MRTFA: variants seen among roughly 807,000 people sequenced by gnomAD.
MRTFA encodes the protein myocardin-related transcription factor A.
Under a neutral mutation model 83.5 loss-of-function variants are expected in MRTFA, and 20 were observed. That is an observed-to-expected ratio of 0.24 (90% CI 0.17 to 0.35). The LOEUF (loss-of-function observed/expected upper bound fraction) is 0.35. Among genes scored for constraint, MRTFA ranks in the 10% least tolerant of loss-of-function variants. MRTFA has a pLI of 1.00. For synonymous variants in MRTFA, 659 were observed against 541.2 expected, an observed-to-expected ratio of 1.22 and a Z score of -3.02; for missense variants, 1,200 against 1,224.7, an observed-to-expected ratio of 0.98 and a Z score of 0.30.
In MRTFA at chr22:40,420,429, C is replaced by G. The variant is rs777375195; in HGVS notation, c.1329G>C (p.Leu443=). The G allele has an allele frequency of 1.1e-5, 18 of 1,613,606 alleles. No individual in the cohort carries two copies. The South Asian group carries it at 2.0e-4, about 18-fold the overall frequency. Residue 443 remains leucine (L), a synonymous_variant, in exon 11 of 15, where the codon CTG becomes CTC. Transcript: ENST00000355630. ...CCTTCATGTCGTCCAGGTTGGCCGG[C>G]AGGGCTCCCGGCTTGCCAGTCAGTG...
rs75154387 is a variant in MRTFA, at chr22:40,605,545, G to A, written c.-83-10810C>T. On this transcript the variant is annotated intron_variant, in intron 1 of 14. Coordinates refer to ENST00000355630, the MANE Select transcript of MRTFA (RefSeq NM_020831.6). ...TTCTAAGCACAATGGAAAAACCACC[G>A]CAGGTAAGAGTTTTGAGCAGAGAAG... Among the ~76,000 whole-genome samples, 152 of 152,316 alleles carry A rather than the reference G, an allele frequency of 1.0e-3. 1 individual carries two copies. In the Middle Eastern group the frequency reaches 0.02, roughly 20 times the overall value.
chr22:40,460,002 G>C (rs1336792019), intron 4 of MRTFA, among the ~76,000 whole-genome samples: 1 of 151,594 alleles, frequency 6.6e-6, no homozygotes, highest in Non-Finnish European at 1.5e-5. Flanking sequence ...GAGTGCGGTG[G>C]TGCAAACTCG....
chr22:40,468,521 T>C (rs1322298511), intron 3 of MRTFA, among the ~76,000 whole-genome samples: 1 of 152,214 alleles, frequency 6.6e-6, no homozygotes, highest in East Asian at 1.9e-4. Flanking sequence ...TCTCAGACTG[T>C]AGGGACATTT....
At chr22:40,464,245 G>T (rs1486031491) in intron 3 of MRTFA, among the ~76,000 whole-genome samples, 1 of 128,906 alleles carries the variant, frequency 7.8e-6, no homozygotes, top group African/African-American at 2.9e-5. Context: ...AGGTTGCAGT[G>T]AGCCGAGATC....
chr22:40,473,028 AAG>A (rs1198059137), intron 3 of MRTFA, among the ~76,000 whole-genome samples: 1 of 152,198 alleles, frequency 6.6e-6, no homozygotes, highest in East Asian at 1.9e-4. Context: ...CAACCCAATA[AAG>A]AGATAAAATC....
In MRTFA at chr22:40,411,141, C is replaced by T; in HGVS notation, c.*249G>A. On this transcript the variant is annotated 3_prime_UTR_variant, in exon 15 of 15. Coordinates refer to ENST00000355630, the MANE Select transcript of MRTFA (RefSeq NM_020831.6). ...GAGGTCAAGCTGAAATGGCCCTGAC[C>T]CTGACCGTGTGTCCAAAACCCCAGC... is the stretch of plus-strand genomic sequence containing the variant. The T allele has an allele frequency of 2.5e-6, 1 of 397,670 alleles. No homozygotes were observed. Among genetic ancestry groups the T allele is most frequent in the Non-Finnish European group, 4.5e-6 (1 of 223,784 alleles). 24.6% of individuals were successfully genotyped at this position (397,670 alleles called of 1,614,324 possible).
rs1440363065 is a variant in MRTFA at position 40,420,949 on chromosome 22, G to A, written c.1079C>T (p.Ala360Val). 10 of 1,613,996 alleles carry A rather than the reference G, an allele frequency of 6.2e-6. No individual in the cohort carries two copies. The highest frequency in any genetic ancestry group is 3.3e-5 in the Admixed American group (2 of 59,986). The change falls in exon 10 of 15, where the codon GCC becomes GTC. Residue 360 changes from alanine to valine, a missense_variant. Around this residue, in one of 2 missense-constraint regions of MRTFA, gnomAD observed 1,107 missense variants for 1,041.8 expected, o/e 1.06. Coordinates refer to ENST00000355630, the MANE Select transcript of MRTFA (RefSeq NM_020831.6). ...GAGCTGCTGCTGCTGCAGGATCTTG[G>A]CGTAGGATGAGTCCATGGGGGGTGC...
chr22:40,414,669 A>C (rs1253681479), intron 14 of MRTFA, among the ~76,000 whole-genome samples: 1 of 152,220 alleles, frequency 6.6e-6, no homozygotes, highest in African/African-American at 2.4e-5. Flanking sequence ...CACGACAGGC[A>C]AATCCATAGA....
chr22:40,468,125 C>T (rs1241381792), intron 3 of MRTFA, among the ~76,000 whole-genome samples: 7 of 152,060 alleles, frequency 4.6e-5, no homozygotes, highest in Non-Finnish European at 1.0e-4. Flanking sequence ...CAAGGAGTGA[C>T]CTTAATATAT....
chr22:40,545,621 CG>C (rs2055350878), intron 3 of MRTFA, among the ~76,000 whole-genome samples: 2 of 150,362 alleles, frequency 1.3e-5, no homozygotes, highest in Non-Finnish European at 3.0e-5. Context: ...TTATTAGAGA[CG>C]GGGTTTCACC....
chr22:40,491,500 G>A (rs1170611304), intron 3 of MRTFA, among the ~76,000 whole-genome samples: 2 of 152,136 alleles, frequency 1.3e-5, no homozygotes, highest in South Asian at 2.1e-4. Context: ...AAATTATGAT[G>A]TCTTAGTGTT....
intron 3 of MRTFA, among the ~76,000 whole-genome samples, chr22:40,507,706 G>A (rs1365858879): frequency 2.0e-5 from 3 of 151,902 alleles, no homozygotes; most frequent in African/African-American, 2.4e-5. Flanking sequence ...AGTTGCTCAC[G>A]CTTGTAATCC....
chr22:40,625,315 TA>T (rs1046798695), intron 1 of MRTFA, among the ~76,000 whole-genome samples: 13 of 146,270 alleles, frequency 8.9e-5, no homozygotes, highest in South Asian at 2.2e-4. Context: ...CACCTGTCCC[TA>T]AAAAAAAAAT....
intron 3 of MRTFA, among the ~76,000 whole-genome samples, chr22:40,550,759 C>T (rs902836875): frequency 6.6e-6 from 1 of 151,900 alleles, no homozygotes; most frequent in Non-Finnish European, 1.5e-5. Flanking sequence ...TAGTTTCCTC[C>T]AGGGGTAATG....
intron 12 of MRTFA, 132 bp from the exon 13 acceptor site, chr22:40,417,625 T>C: frequency 1.5e-6 from 1 of 653,540 alleles, no homozygotes; most frequent in South Asian, 1.9e-5. Flanking sequence ...GGCACTGGCT[T>C]TTAGGGAGCT....
chr22:40,585,355 A>G (rs1377791051), intron 2 of MRTFA, among the ~76,000 whole-genome samples: 2 of 152,220 alleles, frequency 1.3e-5, no homozygotes, highest in Non-Finnish European at 2.9e-5. Flanking sequence ...TGAGGTACCT[A>G]GAGAGGTCAA....
chr22:40,616,477 C>T (rs1277823104), intron 1 of MRTFA, among the ~76,000 whole-genome samples: 1 of 152,076 alleles, frequency 6.6e-6, no homozygotes, highest in Non-Finnish European at 1.5e-5. Flanking sequence ...ATTGGTTTAA[C>T]TGGAAATAGG....
At chr22:40,450,269 A>G (rs1027399502) in intron 4 of MRTFA, among the ~76,000 whole-genome samples, 35 of 152,286 alleles carry the variant, frequency 2.3e-4, no homozygotes, top group African/African-American at 8.4e-4. Flanking sequence ...AAAGAAATCA[A>G]GAACCTCTGA....
intron 1 of MRTFA, among the ~76,000 whole-genome samples, chr22:40,623,567 T>C (rs1047581068): frequency 6.6e-6 from 1 of 151,682 alleles, no homozygotes; most frequent in African/African-American, 2.4e-5. Context: ...GCATCTACTA[T>C]ACTTCACGCC....
Sources: allele counts gnomAD v4.1 joint callset (sites outside exome capture counted in the v4.1 genomes callset), GRCh38; gene constraint gnomAD v4.1.1; regional missense constraint gnomAD v4.1.1; transcripts MANE v1.5; gene names NCBI Gene and HGNC (gene_info 2026-07-23, HGNC 2026-07-21).